The following ZFP2 variants were observed in gnomAD, a reference collection of about 807,000 sequenced individuals.
ZFP2 encodes the protein ZFP2 zinc finger protein, also known as zinc finger protein ZFP2.
A neutral mutation model predicts 36.1 loss-of-function variants in ZFP2; 33 were observed. The observed-to-expected ratio is 0.92, with a 90% CI of 0.69 to 1.22. The LOEUF (loss-of-function observed/expected upper bound fraction) is 1.22, where lower values mean the gene tolerates loss of function less well. ZFP2 is among the 50% of genes most tolerant of loss of function. ZFP2 has a pLI of 0.00. For synonymous variants in ZFP2, 170 were observed against 178.0 expected, an observed-to-expected ratio of 0.96 and a Z score of 0.36; for missense variants, 522 against 551.4, an observed-to-expected ratio of 0.95 and a Z score of 0.53.
intron 4 of ZFP2, among the ~76,000 whole-genome samples, chr5:178,920,413 T>A (rs909860580): frequency 6.6e-6 from 1 of 152,064 alleles, no homozygotes; most frequent in Non-Finnish European, 1.5e-5. Context: ...CCAAGGCTGG[T>A]GGGTCACGAG....
At chr5:178,898,373 A>C (rs142309896) in intron 1 of ZFP2, among the ~76,000 whole-genome samples, 141 of 152,364 alleles carry the variant, frequency 9.3e-4, no homozygotes, top group East Asian at 6.0e-3. Flanking sequence ...ATCCTGGTAT[A>C]TTGAGACATA....
At chr5:178,903,559 G>A (rs949704884) in intron 1 of ZFP2, among the ~76,000 whole-genome samples, 2 of 152,032 alleles carry the variant, frequency 1.3e-5, no homozygotes, top group African/African-American at 4.8e-5. Flanking sequence ...TTTGCTATAC[G>A]TTGCCAGTAT....
At position 178,932,266 on chromosome 5, in the gene ZFP2, G is replaced by T; in HGVS notation, c.953G>T (p.Arg318Ile). The change falls in exon 5 of 5, where the codon AGA (arginine) becomes ATA (isoleucine). Residue 318 changes from arginine to isoleucine, a missense_variant. Physicochemically the swap from Arg to Ile is moderately conservative, Grantham distance 97. Transcript: ENST00000361362. ...AGTACATATCTTATAGAACATCAGA[G>T]ACTTCATTCTGGAGTAAAACCTTTT... is the stretch of plus-strand genomic sequence containing the variant. ...SQSTYLIEHQ[R>I]LHSGVKPFEC... 1 of 1,614,178 alleles carries T rather than the reference G, an allele frequency of 6.2e-7. No homozygotes were observed. The highest frequency in any genetic ancestry group is 8.5e-7 in the Non-Finnish European group (1 of 1,180,022).
intron 4 of ZFP2, among the ~76,000 whole-genome samples, chr5:178,919,158 A>T (rs1393996188): frequency 7.7e-6 from 1 of 129,480 alleles, no homozygotes; most frequent in Non-Finnish European, 1.7e-5. Context: ...GTGCAATGCT[A>T]ATATTTTTGT....
At chr5:178,914,599 A>C (rs970958094) in intron 3 of ZFP2, among the ~76,000 whole-genome samples, 1 of 152,028 alleles carries the variant, frequency 6.6e-6, no homozygotes, top group Non-Finnish European at 1.5e-5. Flanking sequence ...TAAGCACAGC[A>C]GGCAAAGTGT....
chr5:178,913,423 T>C (rs570794342), intron 3 of ZFP2, among the ~76,000 whole-genome samples: 163 of 152,348 alleles, frequency 1.1e-3, no homozygotes, highest in Middle Eastern at 3.4e-3. Flanking sequence ...CTGTCTTTCA[T>C]GAGTGTTTCC....
intron 1 of ZFP2, among the ~76,000 whole-genome samples, chr5:178,905,911 C>A (rs1007199624): frequency 1.3e-5 from 2 of 152,058 alleles, no homozygotes; most frequent in Non-Finnish European, 2.9e-5. Flanking sequence ...ACTACCACGC[C>A]CAGCCAATTT....
chr5:178,897,853 A>G (rs1330455181), intron 1 of ZFP2, among the ~76,000 whole-genome samples: 1 of 152,186 alleles, frequency 6.6e-6, no homozygotes, highest in Non-Finnish European at 1.5e-5. Context: ...GTATCTGGTA[A>G]ATAAGTCAGT....
chr5:178,932,677 G>C lies in ZFP2; in HGVS notation c.1364G>C (p.Arg455Pro). Residue 455 changes from arginine to proline, a missense_variant, in exon 5 of 5, where the codon CGA (arginine) becomes CCA (proline). By Grantham distance (103) the Arg-to-Pro change is moderately radical. Coordinates refer to ENST00000361362, the MANE Select transcript of ZFP2 (RefSeq NM_030613.4). ...TTCAGCCGGAGTACAAACCTTACAC[G>C]ACATCAAAGAACTCATACGTGAGGA... ...KAFSRSTNLT[R>P]HQRTHT 6.2e-7 allele frequency: 1 copy of C among 1,603,160 alleles called. No individual in the cohort carries two copies. Among genetic ancestry groups the C allele is most frequent in the Non-Finnish European group, 8.5e-7 (1 of 1,174,984 alleles).
intron 4 of ZFP2, among the ~76,000 whole-genome samples, chr5:178,927,907 C>T (rs1312094820): frequency 6.6e-6 from 1 of 151,372 alleles, no homozygotes; most frequent in Non-Finnish European, 1.5e-5. Flanking sequence ...AGCATTAGTG[C>T]CAGCATCTGC....
intron 4 of ZFP2, among the ~76,000 whole-genome samples, chr5:178,920,110 C>T (rs112238766): frequency 0.016 from 2,409 of 152,272 alleles, 62 homozygotes; most frequent in African/African-American, 0.053. Flanking sequence ...AACATTTTCT[C>T]CTTCTCTGGG....
intron 3 of ZFP2, among the ~76,000 whole-genome samples, chr5:178,913,543 A>T (rs1434198485): frequency 2.0e-5 from 3 of 152,090 alleles, no homozygotes; most frequent in Non-Finnish European, 4.4e-5. Context: ...GCATTGTGTG[A>T]GAGAGTTTTA....
intron 1 of ZFP2, 78 bp from the exon 2 acceptor site, chr5:178,912,506 T>C: frequency 4.1e-6 from 1 of 241,164 alleles, no homozygotes; most frequent in Non-Finnish European, 6.7e-6. Flanking sequence ...GGCAGATCTT[T>C]GTCCTTTCAG....
chr5:178,896,962 T>TTA lies in ZFP2; in HGVS notation c.-450+989_-450+990insAT, dbSNP rs567773585. ...CCAGATTTTAAATAGAGCTACGTCA[T>TTA]TTTAATGAGTGTGAGGGAAAGTATG... is the stretch of plus-strand genomic sequence containing the variant. On this transcript the variant is annotated intron_variant, in intron 1 of 4. Transcript: ENST00000361362. 4.6e-3 allele frequency among the ~76,000 whole-genome samples: 707 copies of TTA among 152,332 alleles called. 5 individuals are homozygous for TTA. The highest frequency in any genetic ancestry group is 0.016 in the African/African-American group (669 of 41,580).
intron 1 of ZFP2, among the ~76,000 whole-genome samples, chr5:178,907,882 C>T (rs796595241): frequency 6.6e-6 from 1 of 152,192 alleles, no homozygotes; most frequent in South Asian, 2.1e-4. Flanking sequence ...TTAAGTGGTT[C>T]TCAGTACAAC....
At chr5:178,910,087 A>G (rs1354197310) in intron 1 of ZFP2, 3 of 1,473,078 alleles carry the variant, frequency 2.0e-6, no homozygotes, top group Non-Finnish European at 2.9e-6. Context: ...AGATCCTTGA[A>G]TTTATTCTCC....
At chr5:178,913,782 T>C (rs1401866813) in intron 3 of ZFP2, 1 of 126,704 alleles carries the variant, frequency 7.9e-6, no homozygotes. Flanking sequence ...GACTTTTCTC[T>C]GCAAAAAAAA....
intron 1 of ZFP2, among the ~76,000 whole-genome samples, chr5:178,896,216 G>A (rs904736075): frequency 1.3e-5 from 2 of 152,180 alleles, no homozygotes; most frequent in African/African-American, 2.4e-5. Context: ...AGTGTCCTTC[G>A]GCGCTGTCCT....
At chr5:178,925,125 A>G (rs62395090) in intron 4 of ZFP2, among the ~76,000 whole-genome samples, 8,291 of 60,606 alleles carry the variant, frequency 0.14, 729 homozygotes, top group South Asian at 0.41. Context: ...ATATATATAT[A>G]TACACACACA....
Sources: allele counts gnomAD v4.1 joint callset (sites outside exome capture counted in the v4.1 genomes callset), GRCh38; gene constraint gnomAD v4.1.1; transcripts MANE v1.5; gene names NCBI Gene and HGNC (gene_info 2026-07-23, HGNC 2026-07-21).